Variants in EFCAB7 observed in about 807,000 individuals in gnomAD.
EFCAB7 encodes EF-hand calcium-binding domain-containing protein 7.
EFCAB7 carries 66 observed loss-of-function variants against 77.1 expected under a neutral mutation model. The ratio of observed to expected loss-of-function variants is 0.86; its 90% CI spans 0.70 to 1.05. The LOEUF (loss-of-function observed/expected upper bound fraction) is 1.05, where lower values mean the gene tolerates loss of function less well. Among genes scored for constraint, EFCAB7 ranks in the 50% least tolerant of loss-of-function variants. EFCAB7 has a pLI of 0.00. For synonymous variants in EFCAB7, 225 were observed against 243.3 expected, an observed-to-expected ratio of 0.92 and a Z score of 0.70; for missense variants, 638 against 730.5, an observed-to-expected ratio of 0.87 and a Z score of 1.46.
the EFCAB7 span, among the ~76,000 whole-genome samples, chr1:63,583,348 T>C: frequency 6.6e-6 from 1 of 152,182 alleles, no homozygotes; most frequent in Non-Finnish European, 1.5e-5. Context: ...TGCCAGTCTT[T>C]TGGTTGTACA....
At chr1:63,525,441 T>C (rs1403615201) in intron 1 of EFCAB7, 131 bp from the exon 2 acceptor site, 11 of 672,220 alleles carry the variant, frequency 1.6e-5, no homozygotes, top group Non-Finnish European at 2.5e-5. Flanking sequence ...ATCTTGATCT[T>C]TTCATATATG....
At chr1:63,572,248 G>A (rs941584234) in intron 13 of EFCAB7, among the ~76,000 whole-genome samples, 194 bp from the exon 14 acceptor site, 2 of 152,158 alleles carry the variant, frequency 1.3e-5, no homozygotes, top group Admixed American at 6.5e-5. Context: ...CTATGTTAGG[G>A]TAGAATTTAG....
At chr1:63,542,543 G>C (rs1012304174) in intron 6 of EFCAB7, among the ~76,000 whole-genome samples, 1 of 152,162 alleles carries the variant, frequency 6.6e-6, no homozygotes, top group Non-Finnish European at 1.5e-5. Flanking sequence ...TATTCACAAT[G>C]CTTCACCATT....
intron 8 of EFCAB7, among the ~76,000 whole-genome samples, chr1:63,552,088 C>T (rs1393826118): frequency 6.6e-6 from 1 of 151,938 alleles, no homozygotes; most frequent in Admixed American, 6.6e-5. Flanking sequence ...GGCATGGTGG[C>T]ATGCACCTGA....
intron 8 of EFCAB7, among the ~76,000 whole-genome samples, chr1:63,552,300 T>C (rs1646975081): frequency 1.3e-5 from 2 of 152,198 alleles, no homozygotes; most frequent in South Asian, 4.1e-4. Flanking sequence ...ACCTTTTAAG[T>C]TGTATAATAT....
intron 9 of EFCAB7, among the ~76,000 whole-genome samples, chr1:63,556,029 C>T (rs959535364): frequency 6.6e-6 from 1 of 152,090 alleles, no homozygotes; most frequent in Non-Finnish European, 1.5e-5. Flanking sequence ...TGAGCCACCA[C>T]ATCCAGCCTT....
At position 63,562,445 on chromosome 1, in the gene EFCAB7, TTATTTATATATATATATATATATA is replaced by T. The variant is rs1444128802; in HGVS notation, c.1497+592_1497+615del. 1.4e-3 allele frequency among the ~76,000 whole-genome samples: 97 copies of T among 71,066 alleles called. No individual in the cohort carries two copies. The South Asian group carries it at 0.015, about 11-fold the overall frequency. 46.6% of individuals were successfully genotyped at this position (71,066 alleles called of 152,430 possible). A position where few individuals can be genotyped will look rare whatever the true frequency, so the allele number is the denominator to read the frequency against. On this transcript the variant is annotated intron_variant, in intron 11 of 13. Coordinates refer to ENST00000371088, the MANE Select transcript of EFCAB7 (RefSeq NM_032437.4). ...AATTTAAAAATTAGGCCTTCTTAAT[TTATTTATATATATATATATATATA>T]TATATATATATATATATATATATAT...
intron 6 of EFCAB7, among the ~76,000 whole-genome samples, chr1:63,541,876 T>A (rs552412307): frequency 1.1e-3 from 167 of 152,288 alleles, no homozygotes; most frequent in African/African-American, 3.9e-3. Context: ...ACACAATTTT[T>A]AATCATAGAA....
chr1:63,554,319 T>C lies in EFCAB7; in HGVS notation c.1057-1039T>C, dbSNP rs141035191. Among the ~76,000 whole-genome samples, 1,191 of 152,262 alleles carry C rather than the reference T, an allele frequency of 7.8e-3. 12 individuals carry two copies. Among genetic ancestry groups the C allele is most frequent in the African/African-American group, 0.026 (1,077 of 41,566 alleles). On this transcript the variant is annotated intron_variant, in intron 8 of 13. Coordinates refer to ENST00000371088, the MANE Select transcript of EFCAB7 (RefSeq NM_032437.4). The stretch of plus-strand genomic sequence containing the variant: ...AGCTCTTAGGAGGTACATAGAGAGA[T>C]ACCATTTGCTTTCTTTCTTTCTTTT...
At chr1:63,556,703 A>G (rs1647034417) in intron 9 of EFCAB7, among the ~76,000 whole-genome samples, 1 of 152,102 alleles carries the variant, frequency 6.6e-6, no homozygotes, top group Admixed American at 6.6e-5. Flanking sequence ...ACGCTATATT[A>G]CTTCCTTTTG....
Position 63,572,616 on chromosome 1 carries a change from A to C in EFCAB7, c.*100A>C, listed in dbSNP as rs1647298070. 1.7e-6 allele frequency: 2 copies of C among 1,153,798 alleles called. No homozygotes were observed. Among genetic ancestry groups the C allele is most frequent in the African/African-American group, 1.6e-5 (1 of 61,336 alleles). 71.5% of individuals were successfully genotyped at this position (1,153,798 alleles called of 1,614,324 possible). A position where few individuals can be genotyped will look rare whatever the true frequency, so the allele number is the denominator to read the frequency against. ...TACTTAACTGATGTACCTAAATAAT[A>C]ATCTATTCAATTTATATGCATTTTC... is the stretch of plus-strand genomic sequence containing the variant. On this transcript the variant is annotated 3_prime_UTR_variant, in exon 14 of 14. Transcript: ENST00000371088.
chr1:63,561,628 A>C (rs894519014), intron 10 of EFCAB7, 81 bp from the exon 11 acceptor site: 2 of 854,192 alleles, frequency 2.3e-6, no homozygotes, highest in African/African-American at 3.5e-5. Flanking sequence ...AATATCTATG[A>C]ATAATAATAT....
At chr1:63,559,301 CAAAAAAAAAAA>C (rs71052490) in intron 10 of EFCAB7, among the ~76,000 whole-genome samples, 1 of 62,236 alleles carries the variant, frequency 1.6e-5, no homozygotes, top group Non-Finnish European at 2.9e-5. Context: ...GACTCTGTCT[CAAAAAAAAAAA>C]AAAAAAAAAA....
At position 63,525,658 on chromosome 1, in the gene EFCAB7, T is replaced by C. The variant is rs138244713; in HGVS notation, c.86T>C (p.Leu29Pro). ...SESPRTKKFP[L>P]TEEEIFYMNC... is the part of the protein sequence containing the mutation. ...AGTCCTCGAACAAAGAAATTTCCAC[T>C]AACTGAAGAGGAAATATTTTATATG... The change falls in exon 2 of 14, where the codon CTA (leucine) becomes CCA (proline). Residue 29 changes from leucine (L) to proline (P), a missense_variant. Leu to Pro is a moderately conservative substitution (Grantham distance 98, BLOSUM62 -3). Transcript: ENST00000371088. 6.2e-7 allele frequency: 1 copy of C among 1,601,886 alleles called. No homozygotes were observed. The highest frequency in any genetic ancestry group is 8.5e-7 in the Non-Finnish European group (1 of 1,177,480).
At chr1:63,560,621 A>T (rs1393746475) in intron 10 of EFCAB7, among the ~76,000 whole-genome samples, 1 of 145,418 alleles carries the variant, frequency 6.9e-6, no homozygotes, top group African/African-American at 2.6e-5. Flanking sequence ...GGTTCAAGTG[A>T]TTCTCTGCCT....
At chr1:63,533,391 C>A in intron 4 of EFCAB7, 63 bp from the exon 5 acceptor site, 1 of 1,256,888 alleles carries the variant, frequency 8.0e-7, no homozygotes, top group Non-Finnish European at 1.1e-6. Flanking sequence ...TGTGCATTTG[C>A]TTTCTCCTCT....
chr1:63,531,984 G>A lies in EFCAB7; in HGVS notation c.352G>A (p.Asp118Asn). The change falls in exon 3 of 14, where the codon GAT (aspartate) becomes AAT (asparagine). Residue 118 changes from aspartate to asparagine, a missense_variant. Coordinates refer to ENST00000371088, the MANE Select transcript of EFCAB7 (RefSeq NM_032437.4). ...LKSFKQLDVN[D>N]DGCILHTDLY... ...ATCATTTAAGCAATTAGATGTAAAT[G>A]ATGATGGCTGTATTTTACACACTGA... The A allele has an allele frequency of 1.2e-6, 2 of 1,612,382 alleles. No individual in the cohort carries two copies. Among genetic ancestry groups the A allele is most frequent in the South Asian group, 1.1e-5 (1 of 90,886 alleles).
downstream of EFCAB7, among the ~76,000 whole-genome samples, chr1:63,577,138 CAA>C (rs199999557): frequency 7.6e-6 from 1 of 131,274 alleles, no homozygotes. Context: ...GAGTAAGACT[CAA>C]AAAAAAAAGA....
At chr1:63,576,367 C>T (rs1647414427), downstream of EFCAB7, among the ~76,000 whole-genome samples, 1 of 151,926 alleles carries the variant, frequency 6.6e-6, no homozygotes, top group Admixed American at 6.6e-5. Context: ...GTAATCCCAG[C>T]TACTTGGGAG....
Sources: gnomAD v4.1 joint callset for allele counts (sites outside exome capture counted in the v4.1 genomes callset) on GRCh38, gnomAD v4.1.1 for gene constraint, MANE v1.5 for transcripts, NCBI Gene and HGNC (gene_info 2026-07-23, HGNC 2026-07-21) for gene names.